GABRB1: variants seen among roughly 807,000 people sequenced by gnomAD.
GABRB1 encodes the protein gamma-aminobutyric acid type A receptor subunit beta1.
In GABRB1, 17 loss-of-function variants were observed where a neutral mutation model predicts 51.6. The ratio of observed to expected loss-of-function variants is 0.33; its 90% CI spans 0.23 to 0.49. The LOEUF (loss-of-function observed/expected upper bound fraction) is 0.49, where lower values mean the gene tolerates loss of function less well. Ranked by LOEUF, GABRB1 falls within the 20% of genes least tolerant of loss-of-function variation. The pLI is 0.99. For synonymous variants in GABRB1, 247 were observed against 218.9 expected (o/e 1.13, Z -1.14); for missense variants, 410 against 600.6 (o/e 0.68, Z 3.32).
chr4:47,236,916 A>G (rs374780354), intron 4 of GABRB1, among the ~76,000 whole-genome samples: 5 of 152,178 alleles, frequency 3.3e-5, no homozygotes, highest in East Asian at 1.9e-4. Flanking sequence ...ATTTTAATGC[A>G]TCACTATAAA....
At chr4:47,043,859 A>G (rs1043874050) in intron 3 of GABRB1, among the ~76,000 whole-genome samples, 69 of 152,104 alleles carry the variant, frequency 4.5e-4, no homozygotes, top group Admixed American at 3.3e-4. Context: ...ACCTTGAGAG[A>G]GGAAAACATA....
chr4:47,310,195 T>TA (rs1169747484), intron 4 of GABRB1, among the ~76,000 whole-genome samples: 6 of 152,152 alleles, frequency 3.9e-5, no homozygotes, highest in Admixed American at 1.3e-4. Flanking sequence ...TCTGGATTTC[T>TA]AAAAAAATGG....
At chr4:47,267,392 AAGT>A (rs1397153047) in intron 4 of GABRB1, among the ~76,000 whole-genome samples, 1 of 152,046 alleles carries the variant, frequency 6.6e-6, no homozygotes, top group African/African-American at 2.4e-5. Context: ...GCCTCATAGA[AAGT>A]AGAAAAAAAG....
chr4:47,167,816 T>C (rs751178227), intron 4 of GABRB1, among the ~76,000 whole-genome samples: 3 of 152,128 alleles, frequency 2.0e-5, no homozygotes, highest in Non-Finnish European at 2.9e-5. Flanking sequence ...TGCCATCCTA[T>C]GATTCAGCAA....
At chr4:47,058,601 C>T (rs1372951316) in intron 3 of GABRB1, among the ~76,000 whole-genome samples, 1 of 152,094 alleles carries the variant, frequency 6.6e-6, no homozygotes, top group Admixed American at 6.6e-5. Context: ...TAAACCGTGC[C>T]CCCTTGGATT....
At chr4:47,336,332 C>T (rs900088677) in intron 5 of GABRB1, among the ~76,000 whole-genome samples, 5 of 152,142 alleles carry the variant, frequency 3.3e-5, no homozygotes, top group African/African-American at 1.2e-4. Context: ...TTGGTCAAAT[C>T]GGTGCTAGAG....
intron 5 of GABRB1, among the ~76,000 whole-genome samples, chr4:47,335,930 T>C (rs908003661): frequency 6.6e-6 from 1 of 152,154 alleles, no homozygotes; most frequent in South Asian, 2.1e-4. Context: ...AAGATGACAC[T>C]GGACACCAGC....
rs201594236 is a variant in GABRB1, at chr4:47,195,394, TGATAGATAGATAGATA to T, written c.461+33961_461+33976del. Among the ~76,000 whole-genome samples the T allele has an allele frequency of 7.4e-3, 682 of 92,226 alleles. 8 individuals are homozygous for T. Among genetic ancestry groups the T allele is most frequent in the East Asian group, 0.064 (231 of 3,634 alleles). The allele number at this position is 92,226 out of a possible 152,430, so 60.5% of individuals were successfully genotyped here. On this transcript the variant is annotated intron_variant, in intron 4 of 8. Transcript: ENST00000295454. ...ATAAATAAATAGATAGATAGATAGA[TGATAGATAGATAGATA>T]GATAGATAGATAGATAGATAGATAG... is the stretch of plus-strand genomic sequence containing the variant.
chr4:47,146,561 T>C (rs1212199232), intron 3 of GABRB1, among the ~76,000 whole-genome samples: 1 of 152,058 alleles, frequency 6.6e-6, no homozygotes, highest in Non-Finnish European at 1.5e-5. Flanking sequence ...CTCAAATTAA[T>C]TCCCCAATAA....
chr4:47,097,119 C>G (rs970384329), intron 3 of GABRB1, among the ~76,000 whole-genome samples: 1 of 152,204 alleles, frequency 6.6e-6, no homozygotes, highest in African/African-American at 2.4e-5. Context: ...CTCTTCTACT[C>G]AAAAGCAAGA....
intron 3 of GABRB1, among the ~76,000 whole-genome samples, chr4:47,095,600 A>G (rs144595210): frequency 2.7e-4 from 41 of 152,314 alleles, no homozygotes; most frequent in African/African-American, 8.9e-4. Context: ...AAATTCACAA[A>G]TTAATTCTTG....
chr4:47,014,869 G>C (rs1363547559), intron 1 of GABRB1, among the ~76,000 whole-genome samples: 4 of 150,974 alleles, frequency 2.6e-5, no homozygotes, highest in Non-Finnish European at 5.9e-5. Context: ...ATGAAGTTTG[G>C]GAAACTATAG....
At chr4:47,184,445 C>A (rs573161132) in intron 4 of GABRB1, among the ~76,000 whole-genome samples, 1 of 151,954 alleles carries the variant, frequency 6.6e-6, no homozygotes, top group East Asian at 1.9e-4. Context: ...ATTGGATTCT[C>A]CCAAAAAACA....
chr4:47,076,059 A>C (rs1727535819), intron 3 of GABRB1, among the ~76,000 whole-genome samples: 1 of 152,112 alleles, frequency 6.6e-6, no homozygotes. Context: ...ACTTGCCCTA[A>C]TCTGCACTCT....
chr4:47,160,697 G>T (rs1054208147), intron 3 of GABRB1, among the ~76,000 whole-genome samples: 1 of 151,784 alleles, frequency 6.6e-6, no homozygotes, highest in Non-Finnish European at 1.5e-5. Context: ...ACATCTATTT[G>T]CTCTATATTG....
In GABRB1 at chr4:47,335,273, ATAAG is replaced by A. The variant is rs1487271106; in HGVS notation, c.544+15066_544+15069del. Among the ~76,000 whole-genome samples the A allele has an allele frequency of 3.3e-5, 5 of 152,064 alleles. No homozygotes were observed. The South Asian group carries it at 8.3e-4, about 25-fold the overall frequency. ...ACTCAGTATCCAGTTATATATATAT[ATAAG>A]TGTTTTCTACATGAACTCCCCTATT... On this transcript the variant is annotated intron_variant, in intron 5 of 8. Transcript: ENST00000295454.
At chr4:47,171,842 T>TGAGCAC (rs1718447284) in intron 4 of GABRB1, among the ~76,000 whole-genome samples, 1 of 152,236 alleles carries the variant, frequency 6.6e-6, no homozygotes, top group Non-Finnish European at 1.5e-5. Context: ...ATAAACTTTT[T>TGAGCAC]GAGCACGATA....
intron 4 of GABRB1, among the ~76,000 whole-genome samples, chr4:47,175,268 G>A (rs983873760): frequency 6.7e-6 from 1 of 148,392 alleles, no homozygotes; most frequent in African/African-American, 2.5e-5. Context: ...ATGTTGCTCA[G>A]GCTTGTCTCA....
chr4:47,216,052 T>A (rs1720545811), intron 4 of GABRB1, among the ~76,000 whole-genome samples: 1 of 151,960 alleles, frequency 6.6e-6, no homozygotes, highest in African/African-American at 2.4e-5. Flanking sequence ...CAAAGAATAA[T>A]AGGATCTCCA....
Sources: allele counts gnomAD v4.1 joint callset (sites outside exome capture counted in the v4.1 genomes callset), GRCh38; gene constraint gnomAD v4.1.1; transcripts MANE v1.5; gene names NCBI Gene and HGNC (gene_info 2026-07-23, HGNC 2026-07-21).